The following SPG21 variants were observed in gnomAD, a reference collection of about 807,000 sequenced individuals.
The protein encoded by SPG21 is maspardin.
A neutral mutation model predicts 38.9 loss-of-function variants in SPG21; 26 were observed. That is an observed-to-expected ratio of 0.67 (90% CI 0.49 to 0.93). The LOEUF is 0.93. Among genes scored for constraint, SPG21 ranks in the 40% least tolerant of loss-of-function variants. SPG21 has a pLI of 0.00. For synonymous variants in SPG21, 136 were observed against 128.9 expected (o/e 1.05, Z -0.37); for missense variants, 333 against 376.5 (o/e 0.88, Z 0.96).
At chr15:64,985,045 C>T (rs963440690) in intron 1 of SPG21, among the ~76,000 whole-genome samples, 3 of 151,896 alleles carry the variant, frequency 2.0e-5, no homozygotes, top group African/African-American at 7.2e-5. Flanking sequence ...CACCGTGCCC[C>T]GCCTACATGT....
chr15:64,986,500 A>T (rs1314189411), intron 1 of SPG21, among the ~76,000 whole-genome samples: 1 of 152,148 alleles, frequency 6.6e-6, no homozygotes, highest in Non-Finnish European at 1.5e-5. Flanking sequence ...AGCCTGACCA[A>T]CATGGCGAAA....
intron 1 of SPG21, chr15:64,987,329 G>A (rs906627075): frequency 3.9e-5 from 6 of 152,160 alleles, no homozygotes; most frequent in African/African-American, 1.4e-4. Flanking sequence ...AAGGTAAAAT[G>A]GATACCAAAT....
chr15:64,982,142 CTT>C (rs56118434), intron 2 of SPG21, among the ~76,000 whole-genome samples: 1 of 114,622 alleles, frequency 8.7e-6, no homozygotes. Context: ...CTTTTCTTTT[CTT>C]TTTTTTTTTT....
Position 64,983,491 on chromosome 15 carries a change from G to C in SPG21, c.63+16C>G. ...CAAGATTTTGCAAATAAGAGGTATAGTAAAACCATACATACCTTTTTAAGG... is the reference window on the plus strand; with the variant it reads ...CAAGATTTTGCAAATAAGAGGTATACTAAAACCATACATACCTTTTTAAGG... On this transcript the variant is annotated intron_variant, in intron 2 of 8. Coordinates refer to ENST00000204566, the MANE Select transcript of SPG21 (RefSeq NM_016630.7). 2 of 1,553,758 alleles carry C rather than the reference G, an allele frequency of 1.3e-6. No individual in the cohort carries two copies. The highest frequency in any genetic ancestry group is 8.8e-7 in the Non-Finnish European group (1 of 1,139,926).
chr15:64,977,376 G>T (rs1029240365), intron 3 of SPG21, among the ~76,000 whole-genome samples: 8 of 150,658 alleles, frequency 5.3e-5, no homozygotes, highest in African/African-American at 1.7e-4. Context: ...GTTTGTTTTT[G>T]TGATAGGGTC....
At chr15:64,986,833 T>C (rs914318999) in intron 1 of SPG21, among the ~76,000 whole-genome samples, 14 of 152,250 alleles carry the variant, frequency 9.2e-5, no homozygotes, top group African/African-American at 3.1e-4. Context: ...GAATATTTTC[T>C]ACCTGGACAG....
At chr15:64,968,679 G>A (rs200851079) in intron 7 of SPG21, among the ~76,000 whole-genome samples, 6 of 73,546 alleles carry the variant, frequency 8.2e-5, no homozygotes, top group African/African-American at 2.0e-4. Flanking sequence ...TGGTTAAAAT[G>A]GCATATTTTA....
intron 1 of SPG21, chr15:64,988,563 T>C (rs1263442584): frequency 3.3e-5 from 5 of 152,218 alleles, no homozygotes; most frequent in Admixed American, 3.3e-4. Context: ...GGGAGATCTA[T>C]CCCTCTTTTC....
Position 64,980,737 on chromosome 15 carries a change from C to CA in SPG21, c.225+126dup, listed in dbSNP as rs376919905. 15 of 862,562 alleles carry CA rather than the reference C, an allele frequency of 1.7e-5. No homozygotes were observed. In the East Asian group the frequency reaches 3.8e-4, roughly 22 times the overall value. The allele number at this position is 862,562 out of a possible 1,614,324, so 53.4% of individuals were successfully genotyped here. A position where few individuals can be genotyped will look rare whatever the true frequency, so the allele number is the denominator to read the frequency against. On this transcript the variant is annotated intron_variant, in intron 3 of 8. Coordinates refer to ENST00000204566, the MANE Select transcript of SPG21 (RefSeq NM_016630.7). ...CGGGCGACAGAGTGAGAATCCATCT[C>CA]AACAAACAAACAAACAAACAAACAA... is the stretch of plus-strand genomic sequence containing the variant.
chr15:64,987,722 G>A (rs902773215), intron 1 of SPG21, among the ~76,000 whole-genome samples: 1 of 152,190 alleles, frequency 6.6e-6, no homozygotes, highest in Non-Finnish European at 1.5e-5. Flanking sequence ...TCTGGCCCTT[G>A]TGCTGCTGGA....
intron 2 of SPG21, chr15:64,981,665 A>T (rs893831821): frequency 6.6e-6 from 1 of 151,838 alleles, no homozygotes; most frequent in Non-Finnish European, 1.5e-5. Flanking sequence ...ACAGAGGGAG[A>T]GATCCTGTCT....
chr15:64,964,136 C>G (rs1004705292), intron 8 of SPG21, among the ~76,000 whole-genome samples: 3 of 152,118 alleles, frequency 2.0e-5, no homozygotes, highest in Non-Finnish European at 4.4e-5. Context: ...AAAACATCAC[C>G]ATAGTGGACA....
At chr15:64,971,042 T>C (rs921707400) in intron 5 of SPG21, among the ~76,000 whole-genome samples, 4 of 152,124 alleles carry the variant, frequency 2.6e-5, no homozygotes, top group Admixed American at 6.5e-5. Context: ...TGGCCTCTTT[T>C]TATTTTTTAA....
intron 5 of SPG21, among the ~76,000 whole-genome samples, chr15:64,973,676 C>T (rs1217104280): frequency 2.6e-5 from 4 of 151,922 alleles, no homozygotes; most frequent in African/African-American, 7.3e-5. Flanking sequence ...CTCGAACTCC[C>T]GACCTCAGGT....
chr15:64,968,984 C>T (rs1414730011), intron 7 of SPG21, among the ~76,000 whole-genome samples: 2 of 152,080 alleles, frequency 1.3e-5, no homozygotes, highest in African/African-American at 4.8e-5. Flanking sequence ...TCAAGCAATC[C>T]TCCTGCCTCA....
Position 64,976,532 on chromosome 15 carries a change from G to C in SPG21, c.249C>G (p.Asp83Glu). 6.2e-7 allele frequency: 1 copy of C among 1,612,814 alleles called. No homozygotes were observed. Among genetic ancestry groups the C allele is most frequent in the Non-Finnish European group, 8.5e-7 (1 of 1,179,034 alleles). Residue 83 changes from aspartate (D) to glutamate (E), a missense_variant, in exon 4 of 9, where the codon GAC becomes GAG. Coordinates refer to ENST00000204566, the MANE Select transcript of SPG21 (RefSeq NM_016630.7). ...VIALQYPVYW[D>E]HLEFCDGFRK... is the part of the protein sequence containing the mutation. ...TGAATCCATCACAGAACTCGAGATG[G>C]TCCCAATAAACTGGATACTGCAACT...
In SPG21 at chr15:64,963,390, C is replaced by CAG; in HGVS notation, c.*229_*230insCT. The CAG allele has an allele frequency of 1.2e-5, 6 of 507,066 alleles. No individual in the cohort carries two copies. The South Asian group carries it at 1.6e-4, about 14-fold the overall frequency. 31.4% of individuals were successfully genotyped at this position (507,066 alleles called of 1,614,324 possible). On this transcript the variant is annotated 3_prime_UTR_variant, in exon 9 of 9. Coordinates refer to ENST00000204566, the MANE Select transcript of SPG21 (RefSeq NM_016630.7). ...GCACGGTTCTTAAAATGGGAGTCTTCAAAAGTACTTCTTCAAATTCAAAAG... is the reference window on the plus strand; with the variant it reads ...GCACGGTTCTTAAAATGGGAGTCTTCAGAAAAGTACTTCTTCAAATTCAAAAG...
intron 7 of SPG21, 146 bp from the exon 8 acceptor site, chr15:64,965,606 C>A: frequency 7.9e-7 from 1 of 1,262,686 alleles, no homozygotes. Context: ...GAAGACAATC[C>A]TGAACCCCCA....
chr15:64,964,797 AT>A (rs200108829), intron 8 of SPG21, among the ~76,000 whole-genome samples: 2,522 of 151,510 alleles, frequency 0.017, 28 homozygotes, highest in Admixed American at 0.024. Flanking sequence ...CGTCCAGCTA[AT>A]TTTTTTTGTA....
Sources: gnomAD v4.1 joint callset for allele counts (sites outside exome capture counted in the v4.1 genomes callset) on GRCh38, gnomAD v4.1.1 for gene constraint, MANE v1.5 for transcripts, NCBI Gene and HGNC (gene_info 2026-07-23, HGNC 2026-07-21) for gene names.